Variants in KDSR observed in about 807,000 individuals in gnomAD.
KDSR encodes 3-dehydrosphinganine reductase.
Under a neutral mutation model 41.3 loss-of-function variants are expected in KDSR, and 23 were observed. The observed-to-expected ratio is 0.56, with a 90% CI of 0.40 to 0.79. The LOEUF (loss-of-function observed/expected upper bound fraction) is 0.79, where lower values mean the gene tolerates loss of function less well. KDSR is among the 30% of genes least tolerant of loss of function. KDSR has a pLI of 0.00. For synonymous variants in KDSR, 138 were observed against 151.7 expected, an observed-to-expected ratio of 0.91 and a Z score of 0.66; for missense variants, 351 against 416.8, an observed-to-expected ratio of 0.84 and a Z score of 1.37.
At position 63,331,191 on chromosome 18, in the gene KDSR, C is replaced by T. The variant is rs1042046124; in HGVS notation, c.*591G>A. ...GCAGCAGAGTGAGTCCTGAGCACAA[C>T]ACAGGGCTGTCAGTGACATTCAGAC... On this transcript the variant is annotated 3_prime_UTR_variant, in exon 10 of 10. Transcript: ENST00000645214. The T allele has an allele frequency of 4.3e-6, 1 of 232,998 alleles. No homozygotes were observed. Among genetic ancestry groups the T allele is most frequent in the Non-Finnish European group, 8.5e-6 (1 of 118,030 alleles). 14.4% of individuals were successfully genotyped at this position (232,998 alleles called of 1,614,324 possible).
intron 8 of KDSR, among the ~76,000 whole-genome samples, chr18:63,336,548 T>C (rs998198889): frequency 6.6e-6 from 1 of 152,174 alleles, no homozygotes; most frequent in Non-Finnish European, 1.5e-5. Flanking sequence ...CTGCATACTT[T>C]TATGATAAGA....
Position 63,331,710 on chromosome 18 carries a change from A to G in KDSR, c.*72T>C. 1 of 1,540,866 alleles carries G rather than the reference A, an allele frequency of 6.5e-7. No homozygotes were observed. Among genetic ancestry groups the G allele is most frequent in the East Asian group, 2.3e-5 (1 of 44,388 alleles). On this transcript the variant is annotated 3_prime_UTR_variant, in exon 10 of 10. Coordinates refer to ENST00000645214, the MANE Select transcript of KDSR (RefSeq NM_002035.4). ...ACAATACATAAGTGTCTATAGGCCA[A>G]AAATTGGGTCCCATTTAGCAGCAAG...
chr18:63,356,369 A>T (rs1302770566), intron 3 of KDSR, among the ~76,000 whole-genome samples: 3 of 151,966 alleles, frequency 2.0e-5, no homozygotes, highest in African/African-American at 7.3e-5. Flanking sequence ...ATTGCACACC[A>T]GCGTGGGCAA....
At chr18:63,364,374 C>T in intron 1 of KDSR, among the ~76,000 whole-genome samples, 1 of 152,152 alleles carries the variant, frequency 6.6e-6, no homozygotes, top group East Asian at 1.9e-4. Context: ...CACTATATTC[C>T]TAGCACTTAG....
intron 6 of KDSR, among the ~76,000 whole-genome samples, chr18:63,349,583 T>C (rs976698022): frequency 1.3e-4 from 20 of 152,256 alleles, no homozygotes; most frequent in African/African-American, 4.6e-4. Flanking sequence ...GGCTGGTTCC[T>C]ATGGTATGAG....
At chr18:63,355,322 G>A (rs1344059544) in intron 4 of KDSR, 23 bp from the exon 5 acceptor site, 2 of 1,607,516 alleles carry the variant, frequency 1.2e-6, no homozygotes, top group South Asian at 1.1e-5. Flanking sequence ...AGCAGAGCAG[G>A]CATTAAGAAA....
intron 2 of KDSR, among the ~76,000 whole-genome samples, chr18:63,361,816 A>T (rs1914997495): frequency 6.6e-6 from 1 of 152,164 alleles, no homozygotes; most frequent in Non-Finnish European, 1.5e-5. Context: ...TGCTGTCTCA[A>T]GAAAAAAGAA....
chr18:63,344,579 C>A, intron 6 of KDSR, 86 bp from the exon 7 acceptor site: 1 of 899,308 alleles, frequency 1.1e-6, no homozygotes, highest in Non-Finnish European at 1.8e-6. Flanking sequence ...TGCCCTGATT[C>A]CCAAAAAGCG....
At chr18:63,334,844 G>C (rs1394726266) in intron 9 of KDSR, among the ~76,000 whole-genome samples, 1 of 152,162 alleles carries the variant, frequency 6.6e-6, no homozygotes, top group Non-Finnish European at 1.5e-5. Context: ...ACTAAATTTA[G>C]CTGTGTGTGA....
At chr18:63,350,080 C>A (rs1012609107) in intron 6 of KDSR, among the ~76,000 whole-genome samples, 3 of 152,188 alleles carry the variant, frequency 2.0e-5, no homozygotes, top group African/African-American at 7.2e-5. Flanking sequence ...TCTTAGCTCA[C>A]ATCCCTTGCG....
At position 63,358,185 on chromosome 18, in the gene KDSR, G is replaced by T. The variant is rs922744956; in HGVS notation, c.255+1551C>A. Among the ~76,000 whole-genome samples, 8 of 151,850 alleles carry T rather than the reference G, an allele frequency of 5.3e-5. No individual in the cohort carries two copies. In the South Asian group the frequency reaches 8.3e-4, roughly 16 times the overall value. ...ATCTCAAAAATAAATAAATAAATAA[G>T]AAATAAATAATAATAATATTGAGTG... On this transcript the variant is annotated intron_variant, in intron 3 of 9. Coordinates refer to ENST00000645214, the MANE Select transcript of KDSR (RefSeq NM_002035.4).
rs1432394416 is a variant in KDSR, at chr18:63,330,897, G to T, written c.*885C>A. 1.7e-5 allele frequency: 4 copies of T among 228,868 alleles called. No individual in the cohort carries two copies. The highest frequency in any genetic ancestry group is 8.9e-5 in the African/African-American group (4 of 44,996). The allele number at this position is 228,868 out of a possible 1,614,324, so 14.2% of individuals were successfully genotyped here. On this transcript the variant is annotated 3_prime_UTR_variant, in exon 10 of 10. Coordinates refer to ENST00000645214, the MANE Select transcript of KDSR (RefSeq NM_002035.4). The stretch of plus-strand genomic sequence containing the variant: ...GAAAAACAAGTAGATGCTAAAATGG[G>T]ATAGGTGAACTTCAGGTCATCATGG...
At chr18:63,358,321 G>A (rs1325349442) in intron 3 of KDSR, among the ~76,000 whole-genome samples, 1 of 152,174 alleles carries the variant, frequency 6.6e-6, no homozygotes, top group Non-Finnish European at 1.5e-5. Context: ...GAAATGGCAA[G>A]TGACTGCTAA....
chr18:63,332,822 A>G (rs1182495414), intron 9 of KDSR, among the ~76,000 whole-genome samples: 1 of 127,006 alleles, frequency 7.9e-6, no homozygotes, highest in Non-Finnish European at 1.6e-5. Flanking sequence ...ACAGAGCAAG[A>G]CTCCGTCTCA....
chr18:63,345,563 T>C (rs983621823), intron 6 of KDSR: 1 of 152,220 alleles, frequency 6.6e-6, no homozygotes, highest in Admixed American at 6.5e-5. Context: ...GAGAGGCAGC[T>C]GATAGATCAG....
Position 63,355,350 on chromosome 18 carries a change from T to A in KDSR, c.322-51A>T, listed in dbSNP as rs1300128234. The A allele has an allele frequency of 6.2e-6, 10 of 1,606,330 alleles. No individual in the cohort carries two copies. In the East Asian group the frequency reaches 2.2e-4, roughly 36 times the overall value. ...TTAAGAAACAGAGAAGAAAAACCACTCAGCAGCAAATCCATGCTGATAAAT... is the reference window on the plus strand; with the variant it reads ...TTAAGAAACAGAGAAGAAAAACCACACAGCAGCAAATCCATGCTGATAAAT... On this transcript the variant is annotated intron_variant, in intron 4 of 9. Coordinates refer to ENST00000645214, the MANE Select transcript of KDSR (RefSeq NM_002035.4).
chr18:63,367,161 GC>G lies in KDSR; in HGVS notation c.-44del. 3 of 1,056,354 alleles carry G rather than the reference GC, an allele frequency of 2.8e-6. No individual in the cohort carries two copies. The highest frequency in any genetic ancestry group is 2.4e-6 in the Non-Finnish European group (2 of 817,004). 65.4% of individuals were successfully genotyped at this position (1,056,354 alleles called of 1,614,324 possible). ...GGCCCGGAGCGGCCGGGCGGGGGCC[GC>G]CGGGCAAGGCGCGCAGGGCTGGGCT... On this transcript the variant is annotated 5_prime_UTR_variant, in exon 1 of 10. Coordinates refer to ENST00000645214, the MANE Select transcript of KDSR (RefSeq NM_002035.4).
At chr18:63,360,380 C>T (rs1421933322) in intron 2 of KDSR, among the ~76,000 whole-genome samples, 1 of 152,154 alleles carries the variant, frequency 6.6e-6, no homozygotes, top group African/African-American at 2.4e-5. Context: ...CTCAAGAAAA[C>T]AGATATCAGA....
intron 8 of KDSR, among the ~76,000 whole-genome samples, chr18:63,337,826 G>A (rs1249508247): frequency 6.6e-6 from 1 of 152,154 alleles, no homozygotes; most frequent in Admixed American, 6.5e-5. Context: ...TACTCAGAAG[G>A]CCGAGGCAGG....
Sources: gnomAD v4.1 joint callset for allele counts (sites outside exome capture counted in the v4.1 genomes callset) on GRCh38, gnomAD v4.1.1 for gene constraint, MANE v1.5 for transcripts, NCBI Gene and HGNC (gene_info 2026-07-23, HGNC 2026-07-21) for gene names.